Variants in LARGE1 observed in about 807,000 individuals in gnomAD.
LARGE1 encodes the protein LARGE xylosyl- and glucuronyltransferase 1, also known as xylosyl- and glucuronyltransferase LARGE1.
A neutral mutation model predicts 87.6 loss-of-function variants in LARGE1; 43 were observed. That is an observed-to-expected ratio of 0.49 (90% CI 0.38 to 0.63). The LOEUF is 0.63. Ranked by LOEUF, LARGE1 falls within the 30% of genes least tolerant of loss-of-function variation. The pLI is 0.00. For synonymous variants in LARGE1, 434 were observed against 394.6 expected (o/e 1.10, Z -1.18); for missense variants, 802 against 1,000.2 (o/e 0.80, Z 2.67).
chr22:33,556,812 C>T lies in LARGE1; in HGVS notation c.787+8036G>A, dbSNP rs540439318. On this transcript the variant is annotated intron_variant, in intron 6 of 14. Transcript: ENST00000397394. ...TATGAGGTCAGGAGATCAAGACCAG[C>T]GTGGCCAACATGGTGAAACCCTGTC... Among the ~76,000 whole-genome samples, 314 of 151,806 alleles carry T rather than the reference C, an allele frequency of 2.1e-3. 3 individuals carry two copies. The highest frequency in any genetic ancestry group is 7.2e-3 in the African/African-American group (297 of 41,354).
intron 1 of LARGE1, among the ~76,000 whole-genome samples, chr22:33,820,821 C>A (rs570642978): frequency 6.6e-6 from 1 of 152,252 alleles, no homozygotes; most frequent in East Asian, 1.9e-4. Context: ...TCTTCTAGTC[C>A]TTGTCCCTGC....
the LARGE1 span, among the ~76,000 whole-genome samples, chr22:33,132,563 A>C: frequency 6.6e-6 from 1 of 151,350 alleles, no homozygotes; most frequent in Non-Finnish European, 1.5e-5. Flanking sequence ...TGGAAGCTCA[A>C]GTTTTTATGA....
chr22:33,554,687 C>T (rs922055603), intron 6 of LARGE1, among the ~76,000 whole-genome samples: 3 of 152,150 alleles, frequency 2.0e-5, no homozygotes, highest in African/African-American at 7.2e-5. Flanking sequence ...GTTTTCCTGT[C>T]GCACTTTTTA....
intron 1 of LARGE1, among the ~76,000 whole-genome samples, chr22:33,838,592 G>A (rs976376159): frequency 6.6e-6 from 1 of 152,178 alleles, no homozygotes; most frequent in Non-Finnish European, 1.5e-5. Flanking sequence ...TGTGAGCTAT[G>A]ATTGTGCCAC....
intron 13 of LARGE1, among the ~76,000 whole-genome samples, chr22:33,282,451 G>A (rs1930635336): frequency 6.6e-6 from 1 of 152,208 alleles, no homozygotes; most frequent in South Asian, 2.1e-4. Context: ...GCACCTAGCA[G>A]GCCACCTACT....
chr22:33,625,456 G>A (rs900278572), intron 4 of LARGE1, among the ~76,000 whole-genome samples: 6 of 152,196 alleles, frequency 3.9e-5, no homozygotes, highest in East Asian at 1.9e-4. Context: ...GGGGGTCCAC[G>A]AGAGTCAATG....
intron 6 of LARGE1, among the ~76,000 whole-genome samples, chr22:33,483,086 T>C (rs1001648765): frequency 6.6e-6 from 1 of 152,224 alleles, no homozygotes; most frequent in African/African-American, 2.4e-5. Flanking sequence ...CTGTTTACTA[T>C]TATCGTTTTC....
intron 5 of LARGE1, among the ~76,000 whole-genome samples, chr22:33,567,687 G>C (rs2078068555): frequency 6.6e-6 from 1 of 152,120 alleles, no homozygotes; most frequent in Non-Finnish European, 1.5e-5. Context: ...GTGGAGACTG[G>C]ACTTCCAGTA....
intron 3 of LARGE1, among the ~76,000 whole-genome samples, chr22:33,640,085 C>A (rs370988911): frequency 6.6e-6 from 1 of 152,166 alleles, no homozygotes; most frequent in Non-Finnish European, 1.5e-5. Context: ...GGCCCTGCAC[C>A]GTGACAGGAT....
At chr22:33,395,942 G>A (rs2065725707) in intron 7 of LARGE1, among the ~76,000 whole-genome samples, 1 of 152,222 alleles carries the variant, frequency 6.6e-6, no homozygotes. Flanking sequence ...TTCCAACACT[G>A]TCAGAACGAT....
chr22:33,586,076 T>A (rs1378400330), intron 5 of LARGE1, among the ~76,000 whole-genome samples: 1 of 152,164 alleles, frequency 6.6e-6, no homozygotes, highest in East Asian at 1.9e-4. Flanking sequence ...ATTTTCTGAG[T>A]CACCTAGTTA....
At chr22:33,393,307 C>G (rs1367936577) in intron 7 of LARGE1, among the ~76,000 whole-genome samples, 1 of 152,188 alleles carries the variant, frequency 6.6e-6, no homozygotes, top group East Asian at 1.9e-4. Flanking sequence ...TAATTAATGG[C>G]TGTGCAGTGC....
At chr22:33,371,048 G>A (rs1376500658) in intron 9 of LARGE1, among the ~76,000 whole-genome samples, 1 of 149,392 alleles carries the variant, frequency 6.7e-6, no homozygotes, top group Non-Finnish European at 1.5e-5. Context: ...CATAGAACAC[G>A]AATAATACAT....
intron 6 of LARGE1, among the ~76,000 whole-genome samples, chr22:33,499,074 C>G (rs538597684): frequency 6.2e-4 from 94 of 152,196 alleles, no homozygotes; most frequent in Non-Finnish European, 9.7e-4. Flanking sequence ...GTGTATATAA[C>G]TTTTGGGATG....
intron 6 of LARGE1, among the ~76,000 whole-genome samples, chr22:33,520,931 A>T (rs369649897): frequency 6.6e-6 from 1 of 152,222 alleles, no homozygotes; most frequent in Non-Finnish European, 1.5e-5. Flanking sequence ...TAATAAAAAT[A>T]AGTAGTAATT....
intron 2 of LARGE1, among the ~76,000 whole-genome samples, chr22:33,712,370 C>T (rs2082757250): frequency 6.6e-6 from 1 of 152,104 alleles, no homozygotes; most frequent in Non-Finnish European, 1.5e-5. Context: ...TTCAGGCAGG[C>T]ACGAGAAGAC....
intron 7 of LARGE1, among the ~76,000 whole-genome samples, chr22:33,416,934 G>A (rs2066519499): frequency 1.1e-5 from 1 of 88,888 alleles, no homozygotes; most frequent in South Asian, 3.5e-4. Flanking sequence ...TTGAGACAGA[G>A]TCTCGCTGTG....
At chr22:33,508,797 T>C (rs1258800708) in intron 6 of LARGE1, among the ~76,000 whole-genome samples, 4 of 152,142 alleles carry the variant, frequency 2.6e-5, no homozygotes, top group African/African-American at 4.8e-5. Context: ...GAAGCATCCA[T>C]CCAACTGCGA....
chr22:33,553,661 T>G (rs987339891), intron 6 of LARGE1, among the ~76,000 whole-genome samples: 3 of 152,274 alleles, frequency 2.0e-5, no homozygotes, highest in Admixed American at 6.5e-5. Context: ...CCCATGGGTA[T>G]CATTCTCCCC....
Sources: allele counts gnomAD v4.1 joint callset (sites outside exome capture counted in the v4.1 genomes callset), GRCh38; gene constraint gnomAD v4.1.1; transcripts MANE v1.5; gene names NCBI Gene and HGNC (gene_info 2026-07-23, HGNC 2026-07-21).